The following CSMD3 variants were observed in gnomAD, a reference collection of about 807,000 sequenced individuals.
The protein encoded by CSMD3 is CUB and sushi domain-containing protein 3.
Under a neutral mutation model 435.2 loss-of-function variants are expected in CSMD3, and 177 were observed. The ratio of observed to expected loss-of-function variants is 0.41; its 90% CI spans 0.36 to 0.46. CSMD3 has a LOEUF of 0.46. CSMD3 is among the 20% of genes least tolerant of loss of function. CSMD3 has a pLI of 0.34. For synonymous variants in CSMD3, 1,656 were observed against 1,520.5 expected (o/e 1.09, Z -2.07); for missense variants, 4,265 against 4,504.6 (o/e 0.95, Z 1.52).
intron 23 of CSMD3, among the ~76,000 whole-genome samples, chr8:112,574,790 G>A (rs10102321): frequency 0.4 from 60,655 of 151,690 alleles, 13,102 homozygotes; most frequent in East Asian, 0.58. Context: ...GGCTTCTTAG[G>A]TGAACAATAA....
intron 14 of CSMD3, among the ~76,000 whole-genome samples, chr8:112,686,523 G>A (rs1339422668): frequency 6.9e-5 from 9 of 130,828 alleles, no homozygotes; most frequent in Non-Finnish European, 1.1e-4. Flanking sequence ...GTCTCATTTT[G>A]TTGCCCAGGC....
chr8:112,922,663 C>A (rs2130641446), intron 9 of CSMD3, among the ~76,000 whole-genome samples: 1 of 152,108 alleles, frequency 6.6e-6, no homozygotes, highest in African/African-American at 2.4e-5. Flanking sequence ...ATTCGCATAA[C>A]AATCTCCAGT....
At chr8:113,085,450 T>C (rs939471528) in intron 5 of CSMD3, among the ~76,000 whole-genome samples, 2 of 152,138 alleles carry the variant, frequency 1.3e-5, no homozygotes, top group African/African-American at 2.4e-5. Context: ...GGAAATTAAA[T>C]AAGTATATCA....
chr8:113,424,350 A>G (rs1184846885), intron 1 of CSMD3, among the ~76,000 whole-genome samples: 7 of 151,772 alleles, frequency 4.6e-5, no homozygotes, highest in Non-Finnish European at 7.4e-5. Flanking sequence ...TAATGTACTT[A>G]TTGAAAAACT....
At chr8:113,261,320 C>T (rs2093425599) in intron 3 of CSMD3, among the ~76,000 whole-genome samples, 1 of 152,068 alleles carries the variant, frequency 6.6e-6, no homozygotes, top group Admixed American at 6.6e-5. Flanking sequence ...TCAGGGACTT[C>T]ATAATTATCA....
chr8:113,032,466 CT>C (rs1369955918), intron 5 of CSMD3, among the ~76,000 whole-genome samples: 1 of 151,522 alleles, frequency 6.6e-6, no homozygotes, highest in Non-Finnish European at 1.5e-5. Context: ...ATTTATGGAA[CT>C]TTGAGCTTGA....
At chr8:113,052,144 T>C (rs1385399375) in intron 5 of CSMD3, among the ~76,000 whole-genome samples, 1 of 152,192 alleles carries the variant, frequency 6.6e-6, no homozygotes, top group East Asian at 1.9e-4. Context: ...TAAAAATAGG[T>C]TGTCCTTGGG....
chr8:112,991,750 CATAA>C (rs1220169929), intron 6 of CSMD3, among the ~76,000 whole-genome samples: 2 of 151,790 alleles, frequency 1.3e-5, no homozygotes, highest in African/African-American at 2.4e-5. Context: ...AATTTCTAAG[CATAA>C]ATATTTTATA....
intron 32 of CSMD3, among the ~76,000 whole-genome samples, chr8:112,441,336 A>G (rs1814992075): frequency 1.3e-5 from 2 of 152,124 alleles, no homozygotes; most frequent in Admixed American, 1.3e-4. Context: ...GGTCAAAGCT[A>G]CAAGTCTCTA....
Position 113,032,104 on chromosome 8 carries a change from A to G in CSMD3, c.918-12925T>C, listed in dbSNP as rs114869103. Among the ~76,000 whole-genome samples, 453 of 151,780 alleles carry G rather than the reference A, an allele frequency of 3.0e-3. 5 individuals are homozygous for G. The highest frequency in any genetic ancestry group is 9.2e-3 in the African/African-American group (380 of 41,504). On this transcript the variant is annotated intron_variant, in intron 5 of 70. Coordinates refer to ENST00000297405, the MANE Select transcript of CSMD3 (RefSeq NM_198123.2). Reference sequence around the variant, plus strand: ...CCTTGTTAATAAATTACCCATTCTCAGATAATATCTTTATACAGTGTGATA... The same window carrying G: ...CCTTGTTAATAAATTACCCATTCTCGGATAATATCTTTATACAGTGTGATA...
intron 23 of CSMD3, among the ~76,000 whole-genome samples, chr8:112,582,888 CTT>C (rs1830438380): frequency 6.6e-6 from 1 of 151,990 alleles, no homozygotes; most frequent in Non-Finnish European, 1.5e-5. Flanking sequence ...GAAAATGACT[CTT>C]TGAGGAAGGT....
At chr8:113,425,144 A>T (rs1056537044) in intron 1 of CSMD3, among the ~76,000 whole-genome samples, 1 of 151,442 alleles carries the variant, frequency 6.6e-6, no homozygotes, top group African/African-American at 2.4e-5. Context: ...TAAGTAACCC[A>T]CTGGTTGTTT....
chr8:113,136,473 A>G (rs2091421659), intron 4 of CSMD3, among the ~76,000 whole-genome samples: 2 of 151,596 alleles, frequency 1.3e-5, no homozygotes, highest in African/African-American at 2.4e-5. Context: ...TCATGGTGTT[A>G]GATGAAGAGG....
chr8:112,656,304 G>T lies in CSMD3; in HGVS notation c.2854C>A (p.His952Asn). The change falls in exon 18 of 71, where the codon CAT becomes AAT. Residue 952 changes from histidine to asparagine, a missense_variant. Around this residue, in one of 3 missense-constraint regions of CSMD3, gnomAD observed 3,255 missense variants for 3,380.2 expected, o/e 0.96. Coordinates refer to ENST00000297405, the MANE Select transcript of CSMD3 (RefSeq NM_198123.2). ...GGTGACAGAAGATTTGGCCCATCAT[G>T]AACTTCCAGAACATCATAATTCAGT... ...TELNYDVLEVHDGPNLLSPLL... is the reference protein window; with the variant it reads ...TELNYDVLEVNDGPNLLSPLL... The T allele has an allele frequency of 2.5e-6, 4 of 1,613,408 alleles. No homozygotes were observed. The highest frequency in any genetic ancestry group is 3.4e-6 in the Non-Finnish European group (4 of 1,179,570).
intron 12 of CSMD3, among the ~76,000 whole-genome samples, chr8:112,805,210 C>T (rs1357016238): frequency 1.3e-5 from 2 of 152,076 alleles, no homozygotes; most frequent in African/African-American, 4.8e-5. Flanking sequence ...TAGGGAGTGT[C>T]TGTGGAACTC....
At chr8:112,702,624 T>A (rs529399408) in intron 13 of CSMD3, among the ~76,000 whole-genome samples, 1 of 152,084 alleles carries the variant, frequency 6.6e-6, no homozygotes, top group Non-Finnish European at 1.5e-5. Context: ...CATGGTCCCA[T>A]GATAGCCAGG....
At chr8:112,832,372 T>A (rs1034714042) in intron 11 of CSMD3, among the ~76,000 whole-genome samples, 1 of 152,154 alleles carries the variant, frequency 6.6e-6, no homozygotes, top group Non-Finnish European at 1.5e-5. Context: ...TAAAGATGTG[T>A]AATTAAGATC....
chr8:113,172,594 T>C (rs1046424831), intron 4 of CSMD3, among the ~76,000 whole-genome samples: 5 of 152,182 alleles, frequency 3.3e-5, no homozygotes, highest in African/African-American at 7.2e-5. Context: ...TTTTCATTAG[T>C]TAAATGAGGT....
intron 13 of CSMD3, among the ~76,000 whole-genome samples, chr8:112,741,203 C>T (rs1365248891): frequency 6.6e-6 from 1 of 151,754 alleles, no homozygotes; most frequent in Non-Finnish European, 1.5e-5. Flanking sequence ...AAAACATTTA[C>T]AAACTGTATA....
Sources: gnomAD v4.1 joint callset for allele counts (sites outside exome capture counted in the v4.1 genomes callset) on GRCh38, gnomAD v4.1.1 for gene constraint, gnomAD v4.1.1 regional missense constraint, MANE v1.5 for transcripts, NCBI Gene and HGNC (gene_info 2026-07-23, HGNC 2026-07-21) for gene names.